The following SLC16A6 variants were observed in gnomAD, a reference collection of about 807,000 sequenced individuals.
The protein encoded by SLC16A6 is solute carrier family 16 member 6.
Under a neutral mutation model 33.8 loss-of-function variants are expected in SLC16A6, and 15 were observed. The observed-to-expected ratio is 0.44, with a 90% CI of 0.30 to 0.68. The LOEUF is 0.68. Ranked by LOEUF, SLC16A6 falls within the 30% of genes least tolerant of loss-of-function variation. The probability of loss-of-function intolerance (pLI) is 0.10; values close to 1 mark genes in which losing one functional copy is unlikely to be tolerated. For synonymous variants in SLC16A6, 219 were observed against 248.4 expected (o/e 0.88, Z 1.11); for missense variants, 451 against 661.5 (o/e 0.68, Z 3.49).
rs1283991927 is a variant in SLC16A6 at position 68,271,877 on chromosome 17, A to C, written c.506-223T>G. Among the ~76,000 whole-genome samples the C allele has an allele frequency of 6.6e-6, 1 of 152,168 alleles. No homozygotes were observed. Among genetic ancestry groups the C allele is most frequent in the Non-Finnish European group, 1.5e-5 (1 of 68,034 alleles). ...GAGTGCAGTGGCCTGATCTCAGCTC[A>C]CCGCAACCTCCACCTCCCGGGTTCA... is the stretch of plus-strand genomic sequence containing the variant. On this transcript the variant is annotated intron_variant, in intron 4 of 5. Transcript: ENST00000580666. The surrounding 1 kb of genome is among the most constrained non-coding windows in gnomAD (Gnocchi z 5.3).
In SLC16A6 at chr17:68,269,063, C is replaced by G. The variant is rs1301621018; in HGVS notation, c.*33G>C. The G allele has an allele frequency of 3.8e-6, 6 of 1,585,150 alleles. No individual in the cohort carries two copies. Among genetic ancestry groups the G allele is most frequent in the South Asian group, 1.2e-5 (1 of 86,176 alleles). Reference sequence around the variant, plus strand: ...TTGGGCCCACCCCATCCCTCTCCAGCCAACACAGTGGCTGTTGTTGTAAGA... The same window carrying G: ...TTGGGCCCACCCCATCCCTCTCCAGGCAACACAGTGGCTGTTGTTGTAAGA... On this transcript the variant is annotated 3_prime_UTR_variant, in exon 6 of 6. Coordinates refer to ENST00000580666, the MANE Select transcript of SLC16A6 (RefSeq NM_004694.5).
rs1029278479 is a variant in SLC16A6 at position 68,272,751 on chromosome 17, A to T, written c.393T>A (p.Phe131Leu). The T allele has an allele frequency of 6.8e-6, 11 of 1,614,062 alleles. No individual in the cohort carries two copies. Among genetic ancestry groups the T allele is most frequent in the African/African-American group, 1.3e-5 (1 of 75,056 alleles). ...GGATGGTTACAGTTGGGAGAAAACT[A>T]AAGCAGTATCCCAGACCTGTGAAAG... ...IGIISGLGYC[F>L]SFLPTVTILS... Residue 131 changes from phenylalanine (F) to leucine (L), a missense_variant, in exon 4 of 6, where the codon TTT becomes TTA. Phe to Leu is a conservative substitution (Grantham distance 22). Coordinates refer to ENST00000580666, the MANE Select transcript of SLC16A6 (RefSeq NM_004694.5).
chr17:68,289,155 G>T (rs562162539), intron 1 of SLC16A6, among the ~76,000 whole-genome samples: 2 of 152,194 alleles, frequency 1.3e-5, no homozygotes, highest in East Asian at 3.9e-4. Flanking sequence ...AGACCAACCC[G>T]GGCAACATAG....
intron 5 of SLC16A6, among the ~76,000 whole-genome samples, chr17:68,270,413 G>T (rs1418344817): frequency 6.6e-6 from 1 of 152,128 alleles, no homozygotes; most frequent in Non-Finnish European, 1.5e-5. Context: ...AATTAGCCAG[G>T]CGTGGTGGTG....
At chr17:68,278,617 CTTTTTTTTTTTTT>C (rs56870988) in intron 1 of SLC16A6, among the ~76,000 whole-genome samples, 1 of 111,980 alleles carries the variant, frequency 8.9e-6, no homozygotes, top group Non-Finnish European at 1.7e-5. Flanking sequence ...TTTCTTTTTC[CTTTTTTTTTTTTT>C]TTTTTTTGAG....
At chr17:68,276,654 A>G (rs143817461) in intron 2 of SLC16A6, among the ~76,000 whole-genome samples, 2 of 151,630 alleles carry the variant, frequency 1.3e-5, no homozygotes, top group South Asian at 2.1e-4. Flanking sequence ...GAGTCTTGCT[A>G]TGTTGCCCAG....
chr17:68,283,653 TCTA>T (rs1389856321), intron 1 of SLC16A6, among the ~76,000 whole-genome samples: 1 of 151,610 alleles, frequency 6.6e-6, no homozygotes, highest in Non-Finnish European at 1.5e-5. Flanking sequence ...AAACGCTGTC[TCTA>T]CTAACAAACT....
At chr17:68,283,382 G>T (rs1035653133) in intron 1 of SLC16A6, among the ~76,000 whole-genome samples, 1 of 152,098 alleles carries the variant, frequency 6.6e-6, no homozygotes, top group Admixed American at 6.6e-5. Flanking sequence ...TTAGCCAGGC[G>T]TGGTGGCGGG....
chr17:68,272,580 G>T, intron 4 of SLC16A6, 59 bp downstream of exon 4: 1 of 1,588,346 alleles, frequency 6.3e-7, no homozygotes, highest in Non-Finnish European at 8.6e-7. Flanking sequence ...AGCGTAGCAA[G>T]AATACCTGAG....
At chr17:68,284,320 G>T (rs1555753771) in intron 1 of SLC16A6, among the ~76,000 whole-genome samples, 1 of 152,056 alleles carries the variant, frequency 6.6e-6, no homozygotes, top group East Asian at 1.9e-4. Context: ...CTTGAACCCG[G>T]GAGGCAGAGG....
chr17:68,271,096 G>T lies in SLC16A6; in HGVS notation c.1064C>A (p.Pro355His). ...IGAGFVLNRE[P>H]IRKIYIELIC... is the part of the protein sequence containing the mutation. ...GAGCTCAATGTAAATCTTACGAATG[G>T]GCTCCCTGTTGAGGACAAAACCAGC... The change falls in exon 5 of 6, where the codon CCC (proline) becomes CAC (histidine). Residue 355 changes from proline to histidine, a missense_variant. Pro to His is a moderately conservative substitution (Grantham distance 77). Transcript: ENST00000580666. This position sits in a 1 kb window ranked among gnomAD's most constrained non-coding sequence, Gnocchi z 5.3. 6.2e-7 allele frequency: 1 copy of T among 1,614,138 alleles called. No homozygotes were observed. Among genetic ancestry groups the T allele is most frequent in the South Asian group, 1.1e-5 (1 of 91,074 alleles).
At chr17:68,288,243 G>A (rs1460624348) in intron 1 of SLC16A6, among the ~76,000 whole-genome samples, 6 of 151,702 alleles carry the variant, frequency 4.0e-5, no homozygotes, top group Admixed American at 6.6e-5. Flanking sequence ...CTTGTGATCC[G>A]CCCGCCTCAG....
At chr17:68,278,387 A>G in intron 1 of SLC16A6, 60 bp from the exon 2 acceptor site, 1 of 1,093,394 alleles carries the variant, frequency 9.1e-7, no homozygotes, top group Non-Finnish European at 1.4e-6. Context: ...GATGATTCTC[A>G]TACTCTTAAG....
chr17:68,287,137 C>T (rs77282808), intron 1 of SLC16A6, among the ~76,000 whole-genome samples: 2,234 of 152,254 alleles, frequency 0.015, 50 homozygotes, highest in African/African-American at 0.052. Context: ...GCATGCGCCA[C>T]CATGCCCGGC....
chr17:68,278,602 T>C (rs1040451481), intron 1 of SLC16A6, among the ~76,000 whole-genome samples: 26 of 148,888 alleles, frequency 1.7e-4, no homozygotes, highest in Non-Finnish European at 3.7e-4. Context: ...AGCCAGCTAA[T>C]GTTTTTTCTT....
chr17:68,278,337 A>G lies in SLC16A6; in HGVS notation c.-7-10T>C. The G allele has an allele frequency of 6.3e-7, 1 of 1,583,772 alleles. No individual in the cohort carries two copies. The highest frequency in any genetic ancestry group is 8.7e-7 in the Non-Finnish European group (1 of 1,154,344). On this transcript the variant is annotated splice_polypyrimidine_tract_variant and intron_variant, in intron 1 of 5. Coordinates refer to ENST00000580666, the MANE Select transcript of SLC16A6 (RefSeq NM_004694.5). ...TTGGGTCATTCTTAATCTGAAAGAA[A>G]AAGTTAAAAGCAATTCAGATCAGCA...
At chr17:68,285,008 G>A (rs1555753971) in intron 1 of SLC16A6, among the ~76,000 whole-genome samples, 2 of 152,110 alleles carry the variant, frequency 1.3e-5, no homozygotes, top group East Asian at 1.9e-4. Flanking sequence ...CCAGGTCCTC[G>A]CTTTCACTAT....
intron 1 of SLC16A6, among the ~76,000 whole-genome samples, chr17:68,284,593 C>T (rs1393242261): frequency 6.6e-6 from 1 of 152,080 alleles, no homozygotes; most frequent in Non-Finnish European, 1.5e-5. Flanking sequence ...AGGACACAAC[C>T]TCATCTATCC....
At chr17:68,285,090 G>C (rs1320831233) in intron 1 of SLC16A6, among the ~76,000 whole-genome samples, 1 of 152,200 alleles carries the variant, frequency 6.6e-6, no homozygotes, top group Non-Finnish European at 1.5e-5. Flanking sequence ...TGATGATGAT[G>C]CTAAGGAAAA....
Sources: allele counts gnomAD v4.1 joint callset (sites outside exome capture counted in the v4.1 genomes callset), GRCh38; gene constraint gnomAD v4.1.1; non-coding constraint Gnocchi (gnomAD v3.1); transcripts MANE v1.5; gene names NCBI Gene and HGNC (gene_info 2026-07-23, HGNC 2026-07-21).